The following POLR1A variants were observed in gnomAD, a reference collection of about 807,000 sequenced individuals.
The protein encoded by POLR1A is RNA polymerase I subunit A.
In POLR1A, 84 loss-of-function variants were observed where a neutral mutation model predicts 205.3. That is an observed-to-expected ratio of 0.41 (90% CI 0.34 to 0.49). The LOEUF (loss-of-function observed/expected upper bound fraction) is 0.49. Ranked by LOEUF, POLR1A falls within the 20% of genes least tolerant of loss-of-function variation. POLR1A has a pLI of 0.22. For missense variants in POLR1A, 1,645 were observed against 2,204.5 expected, an observed-to-expected ratio of 0.75 and a Z score of 5.08; for synonymous variants, 799 against 863.7, an observed-to-expected ratio of 0.93 and a Z score of 1.31.
intron 24 of POLR1A, among the ~76,000 whole-genome samples, chr2:86,041,149 C>CTGTGTGTGTGTGTGTG (rs756415592): frequency 2.7e-4 from 33 of 122,354 alleles, no homozygotes; most frequent in African/African-American, 8.6e-4. Context: ...CTGAGCTACA[C>CTGTGTGTGTGTGTGTG]TGTGTGTGTG....
intron 14 of POLR1A, among the ~76,000 whole-genome samples, chr2:86,060,282 T>G (rs1428384644): frequency 6.6e-6 from 1 of 152,216 alleles, no homozygotes; most frequent in Non-Finnish European, 1.5e-5. Context: ...CTAGCAGGTA[T>G]TTGTGTGCAC....
chr2:86,060,617 G>T (rs1191685838), intron 14 of POLR1A, among the ~76,000 whole-genome samples: 2 of 152,152 alleles, frequency 1.3e-5, no homozygotes, highest in Non-Finnish European at 2.9e-5. Flanking sequence ...GCATTCACTG[G>T]CTAGGAAATC....
At chr2:86,069,951 G>A (rs1211904620) in intron 13 of POLR1A, 67 bp downstream of exon 13, 2 of 1,535,930 alleles carry the variant, frequency 1.3e-6, no homozygotes, top group African/African-American at 1.4e-5. Context: ...GGGGCTGGCA[G>A]GGCCCAACTT....
At chr2:86,069,839 T>G (rs1269998072) in intron 13 of POLR1A, among the ~76,000 whole-genome samples, 179 bp downstream of exon 13, 2 of 152,166 alleles carry the variant, frequency 1.3e-5, no homozygotes, top group African/African-American at 4.8e-5. Context: ...ACAGAAACAT[T>G]TCCCAGCCTC....
chr2:86,089,695 G>A, intron 4 of POLR1A, 127 bp downstream of exon 4: 1 of 655,754 alleles, frequency 1.5e-6, no homozygotes, highest in Non-Finnish European at 2.8e-6. Flanking sequence ...GGTCTCACAA[G>A]AGACAGAGCT....
rs565297713 is a variant in POLR1A, at chr2:86,050,378, G to A, written c.2393-1136C>T. On this transcript the variant is annotated intron_variant, in intron 16 of 33. Transcript: ENST00000263857. Reference sequence around the variant, plus strand: ...CTGGAGGGCTTCTAAGAACATGTGTGAACAGAAGGGGAAAGAAACAGTTCC... The same window carrying A: ...CTGGAGGGCTTCTAAGAACATGTGTAAACAGAAGGGGAAAGAAACAGTTCC... Among the ~76,000 whole-genome samples the A allele has an allele frequency of 2.0e-5, 3 of 152,332 alleles. No individual in the cohort carries two copies. In the South Asian group the frequency reaches 6.2e-4, roughly 32 times the overall value.
chr2:86,031,061 G>GGGGTTT (rs1238344047), intron 30 of POLR1A, among the ~76,000 whole-genome samples: 1 of 152,222 alleles, frequency 6.6e-6, no homozygotes, highest in Non-Finnish European at 1.5e-5. Context: ...TGGCTTACTA[G>GGGGTTT]GGGTTTGAAA....
intron 4 of POLR1A, among the ~76,000 whole-genome samples, chr2:86,089,453 C>T (rs926811959): frequency 1.3e-5 from 2 of 152,144 alleles, no homozygotes; most frequent in African/African-American, 4.8e-5. Flanking sequence ...TTCATTCATT[C>T]GTTGAACAAA....
rs933622738 is a variant in POLR1A, at chr2:86,031,587, C to T, written c.4321G>A (p.Asp1441Asn). 3.1e-6 allele frequency: 5 copies of T among 1,613,564 alleles called. No individual in the cohort carries two copies. The highest frequency in any genetic ancestry group is 3.4e-6 in the Non-Finnish European group (4 of 1,179,614). The change falls in exon 30 of 34, where the codon GAC becomes AAC. Residue 1441 changes from aspartate (D) to asparagine (N), a missense_variant. Physicochemically the swap from Asp to Asn is conservative, Grantham distance 23. Coordinates refer to ENST00000263857, the MANE Select transcript of POLR1A (RefSeq NM_015425.6). The stretch of plus-strand genomic sequence containing the variant: ...CGTTCCTCCTGCATGTCTTCATCGT[C>T]GTTCTCCTCGCCCTCCCTCTCCTCC... ...EEEEREGEEN[D>N]DEDMQEERNP...
At chr2:86,072,714 G>A (rs1002237883) in intron 12 of POLR1A, among the ~76,000 whole-genome samples, 12 of 152,328 alleles carry the variant, frequency 7.9e-5, no homozygotes, top group African/African-American at 2.9e-4. Context: ...TGGCTCTCCG[G>A]GCCATTTCCT....
At chr2:86,034,416 T>G (rs1672459407) in intron 27 of POLR1A, among the ~76,000 whole-genome samples, 1 of 152,238 alleles carries the variant, frequency 6.6e-6, no homozygotes, top group Admixed American at 6.5e-5. Flanking sequence ...CAGAGATAAC[T>G]TAGCTTGTGG....
chr2:86,068,388 G>GGGC (rs1553436036), intron 13 of POLR1A, among the ~76,000 whole-genome samples: 1 of 116,960 alleles, frequency 8.5e-6, no homozygotes, highest in African/African-American at 3.3e-5. Flanking sequence ...CACATGGGCG[G>GGGC]GGGGGGGGGG....
intron 14 of POLR1A, among the ~76,000 whole-genome samples, chr2:86,058,413 T>A (rs1672937851): frequency 6.7e-6 from 1 of 149,908 alleles, no homozygotes; most frequent in African/African-American, 2.4e-5. Flanking sequence ...TTTTTTTTTT[T>A]TTTTTTTAAA....
At chr2:86,065,916 C>G (rs967593247) in intron 13 of POLR1A, among the ~76,000 whole-genome samples, 1 of 152,240 alleles carries the variant, frequency 6.6e-6, no homozygotes, top group East Asian at 1.9e-4. Context: ...AAATATTTAT[C>G]AGGAGCCTCC....
In POLR1A at chr2:86,031,267, C is replaced by T. The variant is rs115265754; in HGVS notation, c.4578+63G>A. On this transcript the variant is annotated intron_variant, in intron 30 of 33. Transcript: ENST00000263857. ...TGCAGGGGAGCTCAGCAGGCCCCTT[C>T]CACAGAGGGATTTGGCCAGCTGGAC... The T allele has an allele frequency of 6.6e-6, 10 of 1,504,644 alleles. No individual in the cohort carries two copies. In the South Asian group the frequency reaches 1.4e-4, roughly 20 times the overall value. The allele number at this position is 1,504,644 out of a possible 1,614,324, so 93.2% of individuals were successfully genotyped here. A position where few individuals can be genotyped will look rare whatever the true frequency, so the allele number is the denominator to read the frequency against.
chr2:86,053,023 T>C (rs1460748403), intron 15 of POLR1A, 23 bp from the exon 16 acceptor site: 9 of 1,525,492 alleles, frequency 5.9e-6, no homozygotes, highest in African/African-American at 4.2e-5. Context: ...AGGCCACCAA[T>C]GCCGGGCTGC....
At chr2:86,063,097 A>T (rs1327911527) in intron 14 of POLR1A, among the ~76,000 whole-genome samples, 1 of 152,164 alleles carries the variant, frequency 6.6e-6, no homozygotes, top group Non-Finnish European at 1.5e-5. Flanking sequence ...GCACTTTGGG[A>T]GGCCAAGGTT....
At chr2:86,065,836 T>C (rs1673075760) in intron 13 of POLR1A, 2 of 197,118 alleles carry the variant, frequency 1.0e-5, no homozygotes, top group African/African-American at 2.4e-5. Context: ...TTTTATACTT[T>C]GGTTTTATGC....
chr2:86,032,681 G>A (rs1405984953), intron 28 of POLR1A, among the ~76,000 whole-genome samples: 2 of 152,180 alleles, frequency 1.3e-5, no homozygotes, highest in South Asian at 2.1e-4. Context: ...TGCTTTCTTA[G>A]AAGAAGATGG....
Sources: gnomAD v4.1 joint callset for allele counts (sites outside exome capture counted in the v4.1 genomes callset) on GRCh38, gnomAD v4.1.1 for gene constraint, MANE v1.5 for transcripts, NCBI Gene and HGNC (gene_info 2026-07-23, HGNC 2026-07-21) for gene names.